The following C15orf40 variants were observed in gnomAD, a reference collection of about 807,000 sequenced individuals.
C15orf40 encodes UPF0235 protein C15orf40.
C15orf40 carries 9 observed loss-of-function variants against 13.9 expected under a neutral mutation model. The ratio of observed to expected loss-of-function variants is 0.65; its 90% CI spans 0.39 to 1.13. The LOEUF (loss-of-function observed/expected upper bound fraction) is 1.13, where lower values mean the gene tolerates loss of function less well. Ranked by LOEUF, C15orf40 falls within the 50% of genes most tolerant of loss-of-function variation. The pLI, the probability that C15orf40 is intolerant of heterozygous loss-of-function variation, is 0.01. For synonymous variants in C15orf40, 95 were observed against 69.2 expected (o/e 1.37, Z -1.85); for missense variants, 225 against 188.5 (o/e 1.19, Z -1.13).
downstream of C15orf40, among the ~76,000 whole-genome samples, chr15:82,994,320 T>A (rs924209561): frequency 6.6e-6 from 1 of 151,668 alleles, no homozygotes; most frequent in African/African-American, 2.4e-5. Context: ...ACTCTACTTG[T>A]TTCCTAAATA....
chr15:82,994,621 G>A (rs958295546), downstream of C15orf40, among the ~76,000 whole-genome samples: 1 of 152,182 alleles, frequency 6.6e-6, no homozygotes, highest in African/African-American at 2.4e-5. Flanking sequence ...GGAAATGTTA[G>A]TTGTGAAAGT....
At position 83,011,345 on chromosome 15, in the gene C15orf40, T is replaced by C; in HGVS notation, c.111+152A>G. The C allele has an allele frequency of 2.4e-6, 2 of 818,390 alleles. 1 individual carries two copies. Among genetic ancestry groups the C allele is most frequent in the South Asian group, 4.4e-5 (2 of 45,870 alleles). 50.7% of individuals were successfully genotyped at this position (818,390 alleles called of 1,614,324 possible). The stretch of plus-strand genomic sequence containing the variant: ...GGGCGACGGCAGCAGGCCGCAGCTC[T>C]GGGGGTGGCGGCGGCTGTCCTGAGC... On this transcript the variant is annotated intron_variant, in intron 1 of 3. Transcript: ENST00000304177.
At position 83,005,687 on chromosome 15, in the gene C15orf40, A is replaced by T; in HGVS notation, c.372T>A (p.Gly124=). ...GCTTCACCACCTTTTCACGAGATTT[A>T]CCACCCTGGACCAAAAGAGAAAAAG... is the stretch of plus-strand genomic sequence containing the variant. ...RKSDVVLDKG[G]KSREKVVKLL... is the part of the protein sequence containing the mutation. The change falls in exon 4 of 4, where the codon GGT becomes GGA. Residue 124 remains glycine (G), a synonymous_variant. Transcript: ENST00000304177. The T allele has an allele frequency of 6.2e-7, 1 of 1,611,580 alleles. No individual in the cohort carries two copies. Among genetic ancestry groups the T allele is most frequent in the East Asian group, 2.2e-5 (1 of 44,788 alleles).
At position 83,002,705 on chromosome 15, in the gene C15orf40, A is replaced by G. The variant is rs760017888; in HGVS notation, c.*2892T>C. On this transcript the variant is annotated 3_prime_UTR_variant, in exon 4 of 4. Coordinates refer to ENST00000304177, the MANE Select transcript of C15orf40 (RefSeq NM_144597.3). ...TCCTACTGCAGGGGTTGATACGTGA[A>G]TATGAAACCTGGTTGGCCTTTTGTC... 1 of 152,260 alleles carries G rather than the reference A, an allele frequency of 6.6e-6. No individual in the cohort carries two copies. The highest frequency in any genetic ancestry group is 6.5e-5 in the Admixed American group (1 of 15,278). 9.4% of individuals were successfully genotyped at this position (152,260 alleles called of 1,614,324 possible). A position where few individuals can be genotyped will look rare whatever the true frequency, so the allele number is the denominator to read the frequency against.
Position 83,004,359 on chromosome 15 carries a change from TTGC to T in C15orf40, c.*1235_*1237del, listed in dbSNP as rs1267351814. The T allele has an allele frequency of 1.4e-5, 14 of 985,318 alleles. No individual in the cohort carries two copies. Among genetic ancestry groups the T allele is most frequent in the Non-Finnish European group, 1.4e-5 (12 of 829,928 alleles). The allele number at this position is 985,318 out of a possible 1,614,324, so 61.0% of individuals were successfully genotyped here. ...CCATCAATACATCTTTCTCATGTAC[TTGC>T]TGGACAAAGCGCACAACTGCAGATC... is the stretch of plus-strand genomic sequence containing the variant. On this transcript the variant is annotated 3_prime_UTR_variant, in exon 4 of 4. Transcript: ENST00000304177.
Position 83,004,837 on chromosome 15 carries a change from C to T in C15orf40, c.*760G>A. On this transcript the variant is annotated 3_prime_UTR_variant, in exon 4 of 4. Transcript: ENST00000304177. The stretch of plus-strand genomic sequence containing the variant: ...TTGTAAACTGGATTAGAAGGCAATC[C>T]CCAGAATTCCAGAACCGTTGTGGAG... 1.6e-6 allele frequency: 2 copies of T among 1,283,214 alleles called. No homozygotes were observed. Among genetic ancestry groups the T allele is most frequent in the South Asian group, 2.6e-5 (2 of 77,420 alleles). 79.5% of individuals were successfully genotyped at this position (1,283,214 alleles called of 1,614,324 possible). A position where few individuals can be genotyped will look rare whatever the true frequency, so the allele number is the denominator to read the frequency against.
chr15:83,011,259 C>G, intron 1 of C15orf40: 1 of 442,320 alleles, frequency 2.3e-6, no homozygotes, highest in Admixed American at 4.3e-5. Flanking sequence ...GAGAGCTCGG[C>G]TGCCGCCGGG....
downstream of C15orf40, chr15:82,990,416 T>C: frequency 2.3e-6 from 1 of 437,070 alleles, no homozygotes; most frequent in South Asian, 4.2e-5. Context: ...GGTAAGAGAG[T>C]ATCCATATGC....
In C15orf40 at chr15:82,999,082, G is replaced by A. The variant is rs1481851589; in HGVS notation, c.*6515C>T. 2.5e-5 allele frequency: 3 copies of A among 118,252 alleles called. No individual in the cohort carries two copies. Among genetic ancestry groups the A allele is most frequent in the African/African-American group, 1.1e-4 (3 of 26,676 alleles). The allele number at this position is 118,252 out of a possible 1,614,324, so 7.3% of individuals were successfully genotyped here. A position where few individuals can be genotyped will look rare whatever the true frequency, so the allele number is the denominator to read the frequency against. On this transcript the variant is annotated 3_prime_UTR_variant, in exon 4 of 4. Transcript: ENST00000304177. Reference sequence around the variant, plus strand: ...GGCTGAGGCAGGAGAATCAGGCAGGGAGGTTGCAGTGAGCCGAGATGGCAG... The same window carrying A: ...GGCTGAGGCAGGAGAATCAGGCAGGAAGGTTGCAGTGAGCCGAGATGGCAG...
rs921664819 is a variant in C15orf40 at position 83,011,321 on chromosome 15, G to A, written c.111+176C>T. 14 of 638,364 alleles carry A rather than the reference G, an allele frequency of 2.2e-5. No homozygotes were observed. In the East Asian group the frequency reaches 4.8e-4, roughly 22 times the overall value. The allele number at this position is 638,364 out of a possible 1,614,324, so 39.5% of individuals were successfully genotyped here. On this transcript the variant is annotated intron_variant, in intron 1 of 3. Coordinates refer to ENST00000304177, the MANE Select transcript of C15orf40 (RefSeq NM_144597.3). ...ACGGCAGCGCAGCCTACTGAGGCGG[G>A]GCGACGGCAGCAGGCCGCAGCTCTG...
chr15:83,008,276 C>G (rs577740041), intron 3 of C15orf40: 1 of 372,102 alleles, frequency 2.7e-6, no homozygotes, highest in Admixed American at 3.9e-5. Flanking sequence ...CCCAGCGCTT[C>G]GGGAGGAGAA....
rs2031585882 is a variant in C15orf40 at position 83,004,794 on chromosome 15, T to G, written c.*803A>C. The G allele has an allele frequency of 1.7e-6, 2 of 1,174,314 alleles. No individual in the cohort carries two copies. 72.7% of individuals were successfully genotyped at this position (1,174,314 alleles called of 1,614,324 possible). On this transcript the variant is annotated 3_prime_UTR_variant, in exon 4 of 4. Coordinates refer to ENST00000304177, the MANE Select transcript of C15orf40 (RefSeq NM_144597.3). ...TCTAAGGTAAGACTACAAAGCAGCATAACAGGTTTTCTGTCACTTGTAAAC... is the reference window on the plus strand; with the variant it reads ...TCTAAGGTAAGACTACAAAGCAGCAGAACAGGTTTTCTGTCACTTGTAAAC...
In C15orf40 at chr15:83,004,105, T is replaced by A. The variant is rs143864972; in HGVS notation, c.*1492A>T. On this transcript the variant is annotated 3_prime_UTR_variant, in exon 4 of 4. Transcript: ENST00000304177. ...TCTTACATATAAATATATATATCTA[T>A]GTATAAAATCTATCTATGTATATCT... 1,689 of 152,356 alleles carry A rather than the reference T, an allele frequency of 0.011. 9 individuals carry two copies. The highest frequency in any genetic ancestry group is 0.017 in the Non-Finnish European group (1,128 of 68,170). The allele number at this position is 152,356 out of a possible 1,614,324, so 9.4% of individuals were successfully genotyped here.
chr15:83,009,918 C>T (rs1306394266), intron 2 of C15orf40, among the ~76,000 whole-genome samples: 1 of 152,208 alleles, frequency 6.6e-6, no homozygotes, highest in East Asian at 1.9e-4. Flanking sequence ...TTTCTCTGGC[C>T]AATGTCTCCA....
At chr15:83,008,871 G>T (rs909600306) in intron 2 of C15orf40, among the ~76,000 whole-genome samples, 196 bp from the exon 3 acceptor site, 1 of 152,178 alleles carries the variant, frequency 6.6e-6, no homozygotes, top group African/African-American at 2.4e-5. Flanking sequence ...ACCATTACAG[G>T]AAATAAATCC....
At chr15:83,011,121 G>A (rs2031984741) in intron 1 of C15orf40, 1 of 191,558 alleles carries the variant, frequency 5.2e-6, no homozygotes, top group East Asian at 1.2e-4. Context: ...GGTGCGATCA[G>A]CCAAAGCAAG....
Position 83,004,603 on chromosome 15 carries a change from TTTAAG to T in C15orf40, c.*989_*993del, listed in dbSNP as rs1184206874. 31 of 898,330 alleles carry T rather than the reference TTTAAG, an allele frequency of 3.5e-5. No homozygotes were observed. Among genetic ancestry groups the T allele is most frequent in the African/African-American group, 1.4e-4 (8 of 55,444 alleles). 55.6% of individuals were successfully genotyped at this position (898,330 alleles called of 1,614,324 possible). A position where few individuals can be genotyped will look rare whatever the true frequency, so the allele number is the denominator to read the frequency against. On this transcript the variant is annotated 3_prime_UTR_variant, in exon 4 of 4. Transcript: ENST00000304177. ...TAAAAACTACTGAATTTGCTGATTA[TTTAAG>T]TTATTAGAGGAAGATGAAAATTCAG...
At chr15:83,011,143 C>G (rs2031985372) in intron 1 of C15orf40, 3 of 219,914 alleles carry the variant, frequency 1.4e-5, no homozygotes, top group Admixed American at 5.8e-5. Context: ...GAGGAGAAAG[C>G]AGAATACAGC....
At chr15:83,009,107 G>GCTCTGGGGGTGGCGGCGGCTGTCC in intron 2 of C15orf40, among the ~76,000 whole-genome samples, 1 of 152,182 alleles carries the variant, frequency 6.6e-6, no homozygotes, top group East Asian at 1.9e-4. Flanking sequence ...ACAGGAAAAT[G>GCTCTGGGGGTGGCGGCGGCTGTCC]AGAGCCCCGG....
Sources: gnomAD v4.1 joint callset for allele counts (sites outside exome capture counted in the v4.1 genomes callset) on GRCh38, gnomAD v4.1.1 for gene constraint, MANE v1.5 for transcripts, NCBI Gene and HGNC (gene_info 2026-07-23, HGNC 2026-07-21) for gene names.